Variants in SYNE2 observed in about 807,000 individuals in gnomAD.
SYNE2 encodes spectrin repeat containing nuclear envelope protein 2.
Under a neutral mutation model 856.3 loss-of-function variants are expected in SYNE2, and 431 were observed. That is an observed-to-expected ratio of 0.50 (90% confidence interval 0.47 to 0.55). SYNE2 has a LOEUF of 0.55. Ranked by LOEUF, SYNE2 falls within the 20% of genes least tolerant of loss-of-function variation. The pLI is 0.00. For synonymous variants in SYNE2, 2,923 were observed against 2,872.3 expected, an observed-to-expected ratio of 1.02 and a Z score of -0.56; for missense variants, 8,129 against 8,023.2, an observed-to-expected ratio of 1.01 and a Z score of -0.50.
At chr14:63,929,566 T>A (rs1341422746) in intron 2 of SYNE2, among the ~76,000 whole-genome samples, 1 of 150,624 alleles carries the variant, frequency 6.6e-6, no homozygotes, top group Non-Finnish European at 1.5e-5. Context: ...AGGTCAGGAG[T>A]TCAAGACCAT....
At chr14:63,793,206 C>T (rs1887796514) in intron 1 of SYNE2, among the ~76,000 whole-genome samples, 1 of 152,138 alleles carries the variant, frequency 6.6e-6, no homozygotes, top group South Asian at 2.1e-4. Context: ...CTGATGTTGA[C>T]ACACACAGCC....
chr14:64,137,829 C>T lies in SYNE2; in HGVS notation c.14689C>T (p.Gln4897Ter). The T allele has an allele frequency of 6.2e-7, 1 of 1,614,138 alleles. No individual in the cohort carries two copies. Among genetic ancestry groups the T allele is most frequent in the Non-Finnish European group, 8.5e-7 (1 of 1,180,014 alleles). ...NIGGKHARLY[Q>*]TLNEGKQLVA... ...TGGTGGAAAACACGCCCGGCTTTAC[C>T]AAACTCTGAACGAAGGCAAACAGTT... Residue 4897 changes from glutamine (Q) to a stop codon, truncating the protein, a stop_gained, in exon 79 of 116, where the codon CAA becomes TAA. Transcript: ENST00000555002. LOFTEE classifies it high-confidence loss of function.
chr14:64,146,275 C>G (rs773351799), intron 84 of SYNE2, 52 bp downstream of exon 84: 80 of 1,537,958 alleles, frequency 5.2e-5, no homozygotes, highest in Non-Finnish European at 6.4e-5. Flanking sequence ...GTGATTCGGT[C>G]ACCTCTCTTG....
At chr14:64,157,290 CCTT>C (rs972723249) in intron 85 of SYNE2, among the ~76,000 whole-genome samples, 3 of 152,144 alleles carry the variant, frequency 2.0e-5, no homozygotes, top group Non-Finnish European at 4.4e-5. Context: ...CACTAGTCTA[CCTT>C]CTTATGGATT....
chr14:63,928,984 G>T (rs1390860758), intron 2 of SYNE2, among the ~76,000 whole-genome samples: 1 of 152,132 alleles, frequency 6.6e-6, no homozygotes, highest in Admixed American at 6.5e-5. Flanking sequence ...TAAAACCCTT[G>T]TAATTTCCTG....
intron 1 of SYNE2, among the ~76,000 whole-genome samples, chr14:63,788,231 A>G (rs1887610205): frequency 6.6e-6 from 1 of 152,156 alleles, no homozygotes; most frequent in African/African-American, 2.4e-5. Context: ...CTGCTGGGAC[A>G]GGGATGAGGA....
intron 7 of SYNE2, among the ~76,000 whole-genome samples, chr14:63,950,351 C>G (rs1366124531): frequency 6.6e-6 from 1 of 151,924 alleles, no homozygotes; most frequent in Non-Finnish European, 1.5e-5. Flanking sequence ...GTCAGGAGTT[C>G]GAGACCAGCC....
chr14:64,031,431 C>T (rs1360392489), intron 45 of SYNE2, 74 bp downstream of exon 45: 11 of 1,319,866 alleles, frequency 8.3e-6, no homozygotes, highest in Admixed American at 1.8e-5. Flanking sequence ...AAAAGAGGGT[C>T]GTGAATCAAG....
At position 64,000,617 on chromosome 14, in the gene SYNE2, A is replaced by G. The variant is rs1234940893; in HGVS notation, c.3536A>G (p.Lys1179Arg). Residue 1179 changes from lysine to arginine, a missense_variant, in exon 28 of 116, where the codon AAG becomes AGG. Around this residue, in one of 3 missense-constraint regions of SYNE2, gnomAD observed 2,422 missense variants for 2,357.4 expected, o/e 1.03. Transcript: ENST00000555002. ...RWKEFEIISL[K>R]LENHVNDIKK... ...AAAGAGTTTGAAATTATTTCATTGA[A>G]GTTAGAAAATCATGTGAATGACATA... 6.2e-7 allele frequency: 1 copy of G among 1,613,644 alleles called. No individual in the cohort carries two copies. Among genetic ancestry groups the G allele is most frequent in the Non-Finnish European group, 8.5e-7 (1 of 1,179,776 alleles).
chr14:64,011,060 T>C (rs947338464), intron 32 of SYNE2, among the ~76,000 whole-genome samples: 1 of 152,246 alleles, frequency 6.6e-6, no homozygotes, highest in African/African-American at 2.4e-5. Flanking sequence ...TTTCCAGTTG[T>C]CAAGAGCAGC....
rs1450045856 is a variant in SYNE2 at position 64,190,827 on chromosome 14, T to C, written c.18038+590T>C. Reference sequence around the variant, plus strand: ...AGCTATATTGGCCAGTGCAATCTTATCAGAAATAGCGCTGATAATTTTATC... The same window carrying C: ...AGCTATATTGGCCAGTGCAATCTTACCAGAAATAGCGCTGATAATTTTATC... On this transcript the variant is annotated intron_variant, in intron 99 of 115. Coordinates refer to ENST00000555002, the MANE Select transcript of SYNE2 (RefSeq NM_182914.3). 29 of 682,932 alleles carry C rather than the reference T, an allele frequency of 4.2e-5. No homozygotes were observed. In the East Asian group the frequency reaches 5.9e-4, roughly 14 times the overall value. 42.3% of individuals were successfully genotyped at this position (682,932 alleles called of 1,614,324 possible).
At chr14:64,072,254 C>A (rs542953011) in intron 52 of SYNE2, among the ~76,000 whole-genome samples, 17 of 152,276 alleles carry the variant, frequency 1.1e-4, no homozygotes, top group Middle Eastern at 3.4e-3. Flanking sequence ...TAGAGGTGCT[C>A]TGAAGAAAAA....
At chr14:63,994,910 C>T in intron 22 of SYNE2, 134 bp from the exon 23 acceptor site, 1 of 556,128 alleles carries the variant, frequency 1.8e-6, no homozygotes. Flanking sequence ...CCCCAAAATA[C>T]ATGGATGAAT....
In SYNE2 at chr14:64,167,218, A is replaced by G. The variant is rs2098385079; in HGVS notation, c.16606-15A>G. ...TTGGCATCCAAAAACCTGTACTTCAATTTTTTAAAAATAGAATCATGTGCT... is the reference window on the plus strand; with the variant it reads ...TTGGCATCCAAAAACCTGTACTTCAGTTTTTTAAAAATAGAATCATGTGCT... On this transcript the variant is annotated splice_polypyrimidine_tract_variant and intron_variant, in intron 90 of 115. Coordinates refer to ENST00000555002, the MANE Select transcript of SYNE2 (RefSeq NM_182914.3). The G allele has an allele frequency of 1.2e-6, 2 of 1,613,952 alleles. No homozygotes were observed. The highest frequency in any genetic ancestry group is 1.7e-6 in the Non-Finnish European group (2 of 1,180,014).
rs145247655 is a variant in SYNE2 at position 63,974,892 on chromosome 14, GTA to G, written c.1129-1647_1129-1646del. 4.9e-3 allele frequency among the ~76,000 whole-genome samples: 330 copies of G among 67,306 alleles called. 15 individuals carry two copies. The highest frequency in any genetic ancestry group is 0.02 in the East Asian group (44 of 2,170). 44.2% of individuals were successfully genotyped at this position (67,306 alleles called of 152,430 possible). ...TGTGTGTGTGTGTGTGTGTGTGTGTGTATATATATATATATATATATATATGT... is the reference window on the plus strand; with the variant it reads ...TGTGTGTGTGTGTGTGTGTGTGTGTGTATATATATATATATATATATATGT... On this transcript the variant is annotated intron_variant, in intron 11 of 115. Coordinates refer to ENST00000555002, the MANE Select transcript of SYNE2 (RefSeq NM_182914.3).
In SYNE2 at chr14:63,964,000, T is replaced by C. The variant is rs2096356518; in HGVS notation, c.990T>C (p.Asn330=). The C allele has an allele frequency of 9.7e-6, 15 of 1,552,228 alleles. No homozygotes were observed. Among genetic ancestry groups the C allele is most frequent in the East Asian group, 2.3e-5 (1 of 44,092 alleles). The stretch of plus-strand genomic sequence containing the variant: ...ATGATACCTACTTTAAAAAGTATAA[T>C]GTAAGTATGATTTTAAACAGCTGTT... The part of the protein sequence containing the change: ...SENDTYFKKY[N]SLLSFMESFN... Residue 330 remains asparagine, a splice_region_variant and synonymous_variant, in exon 10 of 116, where the codon AAT becomes AAC. Transcript: ENST00000555002.
At chr14:63,941,274 C>G (rs1031373609) in intron 3 of SYNE2, among the ~76,000 whole-genome samples, 2 of 152,184 alleles carry the variant, frequency 1.3e-5, no homozygotes, top group African/African-American at 2.4e-5. Flanking sequence ...ATGAATGAGC[C>G]TCTTCTCACA....
upstream of SYNE2, among the ~76,000 whole-genome samples, chr14:63,761,694 G>T (rs151243913): frequency 4.6e-3 from 693 of 152,294 alleles, 8 homozygotes; most frequent in African/African-American, 0.016. Flanking sequence ...GTCCTTTTCG[G>T]CTTTATGACC....
upstream of SYNE2, among the ~76,000 whole-genome samples, chr14:63,849,025 C>T (rs1047933815): frequency 4.6e-5 from 7 of 152,210 alleles, no homozygotes; most frequent in African/African-American, 1.7e-4. Flanking sequence ...AATTAGCCAA[C>T]ATTTATTTCT....
Sources: allele counts gnomAD v4.1 joint callset (sites outside exome capture counted in the v4.1 genomes callset), GRCh38; gene constraint gnomAD v4.1.1; regional missense constraint gnomAD v4.1.1; transcripts MANE v1.5; gene names NCBI Gene and HGNC (gene_info 2026-07-23, HGNC 2026-07-21).